Variants in ADGRB3 observed in about 807,000 individuals in gnomAD.
ADGRB3 encodes the protein adhesion G protein-coupled receptor B3.
In ADGRB3, 37 loss-of-function variants were observed where a neutral mutation model predicts 193.4. The ratio of observed to expected loss-of-function variants is 0.19; its 90% CI spans 0.15 to 0.25. The LOEUF (loss-of-function observed/expected upper bound fraction) is 0.25. Ranked by LOEUF, ADGRB3 falls within the 10% of genes least tolerant of loss-of-function variation. ADGRB3 has a pLI of 1.00. For missense variants in ADGRB3, 1,637 were observed against 1,852.9 expected, an observed-to-expected ratio of 0.88 and a Z score of 2.14; for synonymous variants, 690 against 644.2, an observed-to-expected ratio of 1.07 and a Z score of -1.08.
At chr6:69,282,701 A>G (rs541263515) in intron 20 of ADGRB3, among the ~76,000 whole-genome samples, 1 of 152,356 alleles carries the variant, frequency 6.6e-6, no homozygotes, top group South Asian at 2.1e-4. Context: ...TAAGCTTCTT[A>G]GAACAAAACG....
At chr6:69,217,109 G>A (rs1208786468) in intron 17 of ADGRB3, among the ~76,000 whole-genome samples, 3 of 152,194 alleles carry the variant, frequency 2.0e-5, no homozygotes, top group Non-Finnish European at 4.4e-5. Context: ...CTGAATGAAT[G>A]TGAGAAAAGG....
At position 69,006,318 on chromosome 6, in the gene ADGRB3, CA is replaced by C. The variant is rs147359906; in HGVS notation, c.1930-7719del. Among the ~76,000 whole-genome samples the C allele has an allele frequency of 8.5e-3, 1,280 of 150,796 alleles. 21 individuals carry two copies. The highest frequency in any genetic ancestry group is 0.03 in the African/African-American group (1,221 of 41,100). ...TGCAAATGTTATCAGCCAAGTGCAT[CA>C]GGGGAAAAAAAAACGAGATCTACTA... On this transcript the variant is annotated intron_variant, in intron 11 of 31. Coordinates refer to ENST00000370598, the MANE Select transcript of ADGRB3 (RefSeq NM_001704.3).
At chr6:68,883,684 C>T (rs1475061787) in intron 3 of ADGRB3, among the ~76,000 whole-genome samples, 2 of 152,050 alleles carry the variant, frequency 1.3e-5, no homozygotes, top group South Asian at 2.1e-4. Context: ...CTGAAGCCAG[C>T]GAGACCACGA....
At chr6:68,772,127 A>G (rs1420109548) in intron 3 of ADGRB3, among the ~76,000 whole-genome samples, 1 of 152,166 alleles carries the variant, frequency 6.6e-6, no homozygotes, top group East Asian at 1.9e-4. Context: ...AGCTATGGCA[A>G]TATCCTAGGG....
At chr6:69,177,127 G>A (rs1746175293) in intron 17 of ADGRB3, among the ~76,000 whole-genome samples, 2 of 152,052 alleles carry the variant, frequency 1.3e-5, no homozygotes, top group South Asian at 4.1e-4. Flanking sequence ...GTTTTGTTCA[G>A]TCCTGCTCTG....
chr6:68,811,587 A>G (rs1034751477), intron 3 of ADGRB3, among the ~76,000 whole-genome samples: 5 of 151,722 alleles, frequency 3.3e-5, no homozygotes, highest in Non-Finnish European at 5.9e-5. Flanking sequence ...TTCTACTTCA[A>G]CCTCCCAAGT....
At chr6:69,238,809 A>G (rs1766327814) in intron 19 of ADGRB3, among the ~76,000 whole-genome samples, 1 of 151,806 alleles carries the variant, frequency 6.6e-6, no homozygotes, top group East Asian at 1.9e-4. Context: ...AAGAAGCTTT[A>G]TATGTTTAGT....
chr6:69,128,727 AACTG>A (rs1373441197), intron 17 of ADGRB3, among the ~76,000 whole-genome samples: 1 of 152,174 alleles, frequency 6.6e-6, no homozygotes, highest in Non-Finnish European at 1.5e-5. Context: ...AGCTTTGTTA[AACTG>A]ACTATTTTCA....
intron 15 of ADGRB3, among the ~76,000 whole-genome samples, chr6:69,059,662 C>G (rs544975107): frequency 6.6e-6 from 1 of 152,236 alleles, no homozygotes; most frequent in East Asian, 1.9e-4. Flanking sequence ...ATCACAAAGC[C>G]TGACATGGCA....
At chr6:68,773,800 G>A (rs1335345423) in intron 3 of ADGRB3, among the ~76,000 whole-genome samples, 1 of 152,036 alleles carries the variant, frequency 6.6e-6, no homozygotes, top group Admixed American at 6.6e-5. Flanking sequence ...TAAAACTTGG[G>A]CTCATTACGG....
chr6:68,999,422 G>A (rs1262742713), intron 11 of ADGRB3, among the ~76,000 whole-genome samples: 1 of 151,754 alleles, frequency 6.6e-6, no homozygotes, highest in East Asian at 1.9e-4. Flanking sequence ...CCGCCACCAC[G>A]CCCCGCTAAT....
intron 12 of ADGRB3, among the ~76,000 whole-genome samples, chr6:69,017,161 A>G (rs3799011): frequency 0.11 from 17,093 of 151,954 alleles, 1,135 homozygotes; most frequent in Middle Eastern, 0.26. Flanking sequence ...CTTCAAGTAT[A>G]TGTGAGTAAA....
chr6:68,791,348 G>A (rs1366154872), intron 3 of ADGRB3, among the ~76,000 whole-genome samples: 1 of 152,200 alleles, frequency 6.6e-6, no homozygotes, highest in African/African-American at 2.4e-5. Flanking sequence ...ATAAAAGTGT[G>A]TGTTCATACA....
chr6:69,203,581 A>G (rs1161682591), intron 17 of ADGRB3, among the ~76,000 whole-genome samples: 1 of 152,222 alleles, frequency 6.6e-6, no homozygotes, highest in East Asian at 1.9e-4. Context: ...CCACAAGACA[A>G]AGGCAAGTCT....
chr6:68,938,450 A>G (rs1390495348), intron 5 of ADGRB3, among the ~76,000 whole-genome samples: 4 of 31,600 alleles, frequency 1.3e-4, no homozygotes, highest in Non-Finnish European at 7.2e-4. Flanking sequence ...GTATATATAT[A>G]TATATATATA....
At chr6:68,844,038 T>G (rs1382558299) in intron 3 of ADGRB3, among the ~76,000 whole-genome samples, 2 of 152,206 alleles carry the variant, frequency 1.3e-5, no homozygotes, top group Non-Finnish European at 2.9e-5. Context: ...GATTGAAGAC[T>G]TAAACCTAAG....
At chr6:69,266,668 A>T (rs1044022948) in intron 20 of ADGRB3, among the ~76,000 whole-genome samples, 5 of 152,064 alleles carry the variant, frequency 3.3e-5, no homozygotes, top group Non-Finnish European at 7.4e-5. Flanking sequence ...ATATATACAC[A>T]CATACATACA....
chr6:68,960,552 T>C (rs1172608046), intron 8 of ADGRB3, among the ~76,000 whole-genome samples: 8 of 152,178 alleles, frequency 5.3e-5, no homozygotes. Flanking sequence ...CGGTTCCTTA[T>C]TTGTATAAGG....
At chr6:69,230,394 A>G (rs987793848) in intron 17 of ADGRB3, among the ~76,000 whole-genome samples, 3 of 152,220 alleles carry the variant, frequency 2.0e-5, no homozygotes, top group African/African-American at 7.2e-5. Flanking sequence ...TCACATGTTC[A>G]GAAATCTTGC....
Sources: gnomAD v4.1 joint callset for allele counts (sites outside exome capture counted in the v4.1 genomes callset) on GRCh38, gnomAD v4.1.1 for gene constraint, MANE v1.5 for transcripts, NCBI Gene and HGNC (gene_info 2026-07-23, HGNC 2026-07-21) for gene names.